Variants in MAST4 observed in about 807,000 individuals in gnomAD.
The protein encoded by MAST4 is microtubule-associated serine/threonine-protein kinase 4.
In MAST4, 89 loss-of-function variants were observed where a neutral mutation model predicts 162.7. The observed-to-expected ratio is 0.55, with a 90% CI of 0.46 to 0.65. The LOEUF (loss-of-function observed/expected upper bound fraction) is 0.65. Among genes scored for constraint, MAST4 ranks in the 30% least tolerant of loss-of-function variants. The pLI is 0.00. For synonymous variants in MAST4, 1,479 were observed against 1,361.1 expected (o/e 1.09, Z -1.91); for missense variants, 3,153 against 3,374.0 (o/e 0.93, Z 1.62).
At chr5:67,000,518 G>C (rs1751158893) in intron 4 of MAST4, among the ~76,000 whole-genome samples, 1 of 152,140 alleles carries the variant, frequency 6.6e-6, no homozygotes, top group Non-Finnish European at 1.5e-5. Context: ...GGCTGAGGCG[G>C]GTGGATTACC....
At chr5:66,919,948 CCTTCCTTCCTTCCTTCCTTCCTTCCT>C (rs1764405120) in intron 4 of MAST4, among the ~76,000 whole-genome samples, 5 of 123,680 alleles carry the variant, frequency 4.0e-5, no homozygotes, top group African/African-American at 1.6e-4. Context: ...TTCCTTCCTT[CCTTCCTTCCTTCCTTCCTTCCTTCCT>C]TCTTTCTCTC....
At chr5:66,869,469 AT>A (rs975715643) in intron 3 of MAST4, among the ~76,000 whole-genome samples, 2 of 151,992 alleles carry the variant, frequency 1.3e-5, no homozygotes. Flanking sequence ...ATTTCCTTGC[AT>A]TTTTTTCCCA....
intron 4 of MAST4, among the ~76,000 whole-genome samples, chr5:67,003,319 G>A (rs960775886): frequency 2.0e-5 from 3 of 152,238 alleles, no homozygotes; most frequent in Admixed American, 2.0e-4. Flanking sequence ...AATGTGAGGA[G>A]ATAACGCATA....
At chr5:66,925,912 C>T (rs944169252) in intron 4 of MAST4, among the ~76,000 whole-genome samples, 1 of 151,964 alleles carries the variant, frequency 6.6e-6, no homozygotes, top group Non-Finnish European at 1.5e-5. Flanking sequence ...AATGTTGAGT[C>T]CTCCATTTCA....
chr5:67,003,590 G>A (rs1428956727), intron 4 of MAST4, among the ~76,000 whole-genome samples: 1 of 151,910 alleles, frequency 6.6e-6, no homozygotes, highest in Non-Finnish European at 1.5e-5. Flanking sequence ...TTTTGATTTA[G>A]TATTTCTTGC....
At chr5:67,153,614 G>A in intron 26 of MAST4, 34 bp downstream of exon 26, 10 of 1,534,262 alleles carry the variant, frequency 6.5e-6, no homozygotes, top group Non-Finnish European at 8.8e-6. Flanking sequence ...CCATGCTGAT[G>A]AGACAGGCAG....
At chr5:66,654,952 T>C (rs1746454489) in intron 1 of MAST4, among the ~76,000 whole-genome samples, 2 of 152,164 alleles carry the variant, frequency 1.3e-5, no homozygotes, top group Admixed American at 1.3e-4. Context: ...TTAATGAAAA[T>C]CTAGGGACCT....
chr5:66,953,046 C>T (rs986854058), intron 4 of MAST4, among the ~76,000 whole-genome samples: 2 of 152,166 alleles, frequency 1.3e-5, no homozygotes, highest in African/African-American at 2.4e-5. Context: ...ATTAAATGAA[C>T]GATATGAGCT....
At chr5:66,886,223 G>A (rs557132774) in intron 3 of MAST4, among the ~76,000 whole-genome samples, 2 of 152,250 alleles carry the variant, frequency 1.3e-5, no homozygotes, top group East Asian at 3.9e-4. Context: ...TTAGCGTATA[G>A]GACTTTTGTT....
chr5:67,018,249 G>A (rs925095728), intron 4 of MAST4, among the ~76,000 whole-genome samples: 2 of 152,118 alleles, frequency 1.3e-5, no homozygotes, highest in African/African-American at 4.8e-5. Flanking sequence ...GTAATAGCTC[G>A]TTTGGACAGA....
At chr5:66,762,176 A>G (rs780852027) in intron 2 of MAST4, among the ~76,000 whole-genome samples, 4 of 152,216 alleles carry the variant, frequency 2.6e-5, no homozygotes, top group African/African-American at 2.4e-5. Context: ...TCCTTAGACA[A>G]TTAGTTCGCT....
At chr5:66,763,176 C>T (rs1753930565) in intron 2 of MAST4, among the ~76,000 whole-genome samples, 1 of 152,106 alleles carries the variant, frequency 6.6e-6, no homozygotes, top group Non-Finnish European at 1.5e-5. Flanking sequence ...AGTTCATGCT[C>T]ACAACTGCTA....
chr5:67,010,623 G>A (rs1486114535), intron 4 of MAST4, among the ~76,000 whole-genome samples: 1 of 152,154 alleles, frequency 6.6e-6, no homozygotes, highest in Non-Finnish European at 1.5e-5. Context: ...AAGATACCCC[G>A]CTTAAGGAGT....
Position 67,166,559 on chromosome 5 carries a change from C to T in MAST4, c.7380C>T (p.Ser2460=), listed in dbSNP as rs769175114. The T allele has an allele frequency of 1.9e-6, 3 of 1,606,750 alleles. No individual in the cohort carries two copies. The highest frequency in any genetic ancestry group is 2.2e-5 in the South Asian group (2 of 89,496). Residue 2460 remains serine, a synonymous_variant, in exon 29 of 29, where the codon AGC becomes AGT. Transcript: ENST00000403625. The part of the protein sequence containing the change: ...RSTALPEKSL[S]CSSSFPETRA... ...CGGCCCTCCCGGAAAAGTCTCTGAG[C>T]TGCTCCTCCAGCTTCCCTGAAACCA...
chr5:67,107,397 T>C lies in MAST4; in HGVS notation c.1357-2701T>C, dbSNP rs537521808. ...AATTTCTTTTTTGGCCAGAGAAGCATGTATACTTGTGGCATAAAGGTCTTG... is the reference window on the plus strand; with the variant it reads ...AATTTCTTTTTTGGCCAGAGAAGCACGTATACTTGTGGCATAAAGGTCTTG... On this transcript the variant is annotated intron_variant, in intron 10 of 28. Coordinates refer to ENST00000403625, the MANE Select transcript of MAST4 (RefSeq NM_001164664.2). Among the ~76,000 whole-genome samples the C allele has an allele frequency of 2.0e-4, 31 of 152,374 alleles. No homozygotes were observed. In the East Asian group the frequency reaches 3.7e-3, roughly 18 times the overall value.
intron 3 of MAST4, among the ~76,000 whole-genome samples, chr5:66,891,453 A>C (rs1160797291): frequency 6.6e-6 from 1 of 152,092 alleles, no homozygotes; most frequent in Non-Finnish European, 1.5e-5. Flanking sequence ...TGACACCCTA[A>C]TGCCAGAGTA....
intron 4 of MAST4, among the ~76,000 whole-genome samples, chr5:66,966,265 T>G (rs182553826): frequency 6.6e-6 from 1 of 152,234 alleles, no homozygotes; most frequent in African/African-American, 2.4e-5. Context: ...AGGTAGACCT[T>G]GTGACCTTCT....
chr5:67,107,512 A>G (rs886381665), intron 10 of MAST4, among the ~76,000 whole-genome samples: 1 of 152,210 alleles, frequency 6.6e-6, no homozygotes, highest in African/African-American at 2.4e-5. Flanking sequence ...TATTTGCATA[A>G]TCACATTTAC....
rs190032055 is a variant in MAST4, at chr5:66,704,697, T to G, written c.364-55012T>G. On this transcript the variant is annotated intron_variant, in intron 1 of 28. Transcript: ENST00000403625. ...TTGTATTTTTAGCAGAGACAGGGTT[T>G]CACCGTGTTAGCCAGGATGGTCTCT... is the stretch of plus-strand genomic sequence containing the variant. Among the ~76,000 whole-genome samples the G allele has an allele frequency of 6.6e-5, 10 of 152,122 alleles. No individual in the cohort carries two copies. In the East Asian group the frequency reaches 1.9e-3, roughly 29 times the overall value.
Sources: allele counts gnomAD v4.1 joint callset (sites outside exome capture counted in the v4.1 genomes callset), GRCh38; gene constraint gnomAD v4.1.1; transcripts MANE v1.5; gene names NCBI Gene and HGNC (gene_info 2026-07-23, HGNC 2026-07-21).